Variants in SHISA9 observed in about 807,000 individuals in gnomAD.
SHISA9 encodes protein shisa-9.
A neutral mutation model predicts 38.0 loss-of-function variants in SHISA9; 13 were observed. The ratio of observed to expected loss-of-function variants is 0.34; its 90% CI spans 0.22 to 0.54. SHISA9 has a LOEUF of 0.54. Ranked by LOEUF, SHISA9 falls within the 20% of genes least tolerant of loss-of-function variation. SHISA9 has a pLI of 0.91. For missense variants in SHISA9, 538 were observed against 575.8 expected, an observed-to-expected ratio of 0.93 and a Z score of 0.67; for synonymous variants, 275 against 242.0, an observed-to-expected ratio of 1.14 and a Z score of -1.27.
intron 2 of SHISA9, among the ~76,000 whole-genome samples, chr16:13,192,688 A>T (rs148980931): frequency 6.6e-6 from 1 of 152,264 alleles, no homozygotes; most frequent in Non-Finnish European, 1.5e-5. Flanking sequence ...ATCCTGACTA[A>T]CACGGTGAAA....
the SHISA9 span, among the ~76,000 whole-genome samples, chr16:13,477,511 T>TG: frequency 6.6e-6 from 1 of 152,052 alleles, no homozygotes; most frequent in East Asian, 1.9e-4. Flanking sequence ...AAAAAGGTGG[T>TG]GGGGGGAGGT....
intron 2 of SHISA9, among the ~76,000 whole-genome samples, chr16:13,096,973 G>T (rs1390050214): frequency 6.6e-6 from 1 of 152,046 alleles, no homozygotes; most frequent in Non-Finnish European, 1.5e-5. Context: ...TCTCTTCAGG[G>T]CACATCTCAC....
intron 4 of SHISA9, among the ~76,000 whole-genome samples, chr16:13,222,815 T>TATATATATATATATATATATATATATAC (rs1430368739): frequency 1.4e-5 from 1 of 70,924 alleles, no homozygotes; most frequent in African/African-American, 9.6e-5. Context: ...TATATATACA[T>TATATATATATATATATATATATATATAC]ACACACACCA....
At chr16:13,098,184 G>C (rs188089935) in intron 2 of SHISA9, among the ~76,000 whole-genome samples, 12 of 152,152 alleles carry the variant, frequency 7.9e-5, no homozygotes, top group African/African-American at 2.9e-4. Flanking sequence ...TAAATCCTGG[G>C]ATCAGATCCT....
At chr16:13,233,561 A>G (rs1322155685) in intron 4 of SHISA9, among the ~76,000 whole-genome samples, 2 of 152,226 alleles carry the variant, frequency 1.3e-5, no homozygotes, top group Non-Finnish European at 2.9e-5. Context: ...CTGAGTTTCA[A>G]CCAGCACTCA....
chr16:13,008,898 G>C (rs1213591155), intron 2 of SHISA9, among the ~76,000 whole-genome samples: 1 of 152,054 alleles, frequency 6.6e-6, no homozygotes, highest in Non-Finnish European at 1.5e-5. Context: ...GACTGACTGA[G>C]TGTAATATAA....
Position 12,902,488 on chromosome 16 carries a change from T to C in SHISA9, c.424T>C (p.Leu142=), listed in dbSNP as rs1482896094. 14 of 1,551,424 alleles carry C rather than the reference T, an allele frequency of 9.0e-6. No individual in the cohort carries two copies. The South Asian group carries it at 1.3e-4, about 15-fold the overall frequency. The change falls in exon 1 of 5, where the codon TTG becomes CTG. Residue 142 remains leucine (L), a synonymous_variant. Transcript: ENST00000558583. ...GKPPARKDDP[L]HDPTKDKTNL... ...GCCCCCCGCCCGCAAGGACGACCCC[T>C]TGCACGACCCCACCAAGGACAAGAC...
chr16:13,549,633 C>T, the SHISA9 span, among the ~76,000 whole-genome samples: 8 of 152,016 alleles, frequency 5.3e-5, no homozygotes, highest in African/African-American at 1.9e-4. Flanking sequence ...ATAAAATTAA[C>T]CATTATAGGT....
chr16:13,199,978 G>C (rs1213301801), intron 2 of SHISA9, among the ~76,000 whole-genome samples: 1 of 152,132 alleles, frequency 6.6e-6, no homozygotes, highest in Non-Finnish European at 1.5e-5. Context: ...AGTTGCCAGT[G>C]CTAACGAATT....
At chr16:13,170,677 G>A (rs2050678318) in intron 2 of SHISA9, among the ~76,000 whole-genome samples, 1 of 152,166 alleles carries the variant, frequency 6.6e-6, no homozygotes, top group African/African-American at 2.4e-5. Context: ...TGTTTTTTGA[G>A]ATGGAGTCTT....
chr16:13,339,585 A>G, the SHISA9 span, among the ~76,000 whole-genome samples: 5 of 152,338 alleles, frequency 3.3e-5, no homozygotes, highest in South Asian at 1.0e-3. Context: ...AATTTCAAGC[A>G]TAATACCCAT....
chr16:13,037,502 C>T (rs938869760), intron 2 of SHISA9, among the ~76,000 whole-genome samples: 8 of 151,650 alleles, frequency 5.3e-5, no homozygotes, highest in African/African-American at 1.4e-4. Context: ...AGCCAAAGAC[C>T]CTCAATGTCT....
At chr16:13,422,696 A>AAAAC in the SHISA9 span, among the ~76,000 whole-genome samples, 1 of 145,768 alleles carries the variant, frequency 6.9e-6, no homozygotes, top group Admixed American at 7.3e-5. Context: ...ACTCTGTCTC[A>AAAAC]AAACAAACAA....
chr16:13,482,321 G>T, the SHISA9 span, among the ~76,000 whole-genome samples: 3 of 152,218 alleles, frequency 2.0e-5, no homozygotes, highest in African/African-American at 7.2e-5. Flanking sequence ...CTGGATGCCA[G>T]TAACCACCTC....
intron 2 of SHISA9, among the ~76,000 whole-genome samples, chr16:13,047,517 G>A (rs374014089): frequency 3.9e-5 from 6 of 152,278 alleles, no homozygotes; most frequent in African/African-American, 1.4e-4. Context: ...GAGCCAAAGA[G>A]CTCTGGGAAG....
intron 2 of SHISA9, among the ~76,000 whole-genome samples, chr16:13,123,972 A>G (rs1023485371): frequency 6.6e-6 from 1 of 152,242 alleles, no homozygotes; most frequent in African/African-American, 2.4e-5. Context: ...CTGGCACTCA[A>G]TGTATGACTG....
chr16:13,290,760 C>G, the SHISA9 span, among the ~76,000 whole-genome samples: 1 of 152,134 alleles, frequency 6.6e-6, no homozygotes, highest in Non-Finnish European at 1.5e-5. Context: ...GCTAGAGTCA[C>G]ACAATCAGAG....
chr16:13,557,539 GT>G, the SHISA9 span, among the ~76,000 whole-genome samples: 2 of 152,282 alleles, frequency 1.3e-5, no homozygotes, highest in Admixed American at 1.3e-4. Flanking sequence ...GGTTATTAAT[GT>G]GTCCGGGAGA....
At chr16:13,086,183 C>G (rs2073708117) in intron 2 of SHISA9, among the ~76,000 whole-genome samples, 1 of 151,802 alleles carries the variant, frequency 6.6e-6, no homozygotes, top group African/African-American at 2.4e-5. Context: ...TGATGAAACC[C>G]TGTCTCTACT....
Sources: allele counts gnomAD v4.1 joint callset (sites outside exome capture counted in the v4.1 genomes callset), GRCh38; gene constraint gnomAD v4.1.1; transcripts MANE v1.5; gene names NCBI Gene and HGNC (gene_info 2026-07-23, HGNC 2026-07-21).